NKAIN2: variants seen among roughly 807,000 people sequenced by gnomAD.
The protein encoded by NKAIN2 is sodium/potassium-transporting ATPase subunit beta-1-interacting protein 2.
Under a neutral mutation model 32.6 loss-of-function variants are expected in NKAIN2, and 14 were observed. The observed-to-expected ratio is 0.43, with a 90% CI of 0.28 to 0.67. NKAIN2 has a LOEUF of 0.67. Ranked by LOEUF, NKAIN2 falls within the 30% of genes least tolerant of loss-of-function variation. The pLI is 0.17. For synonymous variants in NKAIN2, 80 were observed against 87.2 expected (o/e 0.92, Z 0.46); for missense variants, 198 against 258.3 (o/e 0.77, Z 1.60).
intron 1 of NKAIN2, among the ~76,000 whole-genome samples, chr6:123,990,857 G>T (rs921032793): frequency 6.6e-6 from 1 of 152,110 alleles, no homozygotes; most frequent in Non-Finnish European, 1.5e-5. Flanking sequence ...GTCACCAAAG[G>T]TTGGGTCATA....
chr6:124,323,912 C>T (rs562918982), intron 2 of NKAIN2, among the ~76,000 whole-genome samples: 8 of 151,660 alleles, frequency 5.3e-5, no homozygotes, highest in Non-Finnish European at 7.4e-5. Flanking sequence ...CTCAGCCTCC[C>T]GAGGAGCTGG....
chr6:124,693,722 T>C (rs1459045007), intron 4 of NKAIN2, among the ~76,000 whole-genome samples: 1 of 152,138 alleles, frequency 6.6e-6, no homozygotes, highest in Non-Finnish European at 1.5e-5. Context: ...GTTTGGCATT[T>C]GTGTGGCTGG....
chr6:124,574,294 G>A (rs1781244583), intron 3 of NKAIN2, among the ~76,000 whole-genome samples: 2 of 136,720 alleles, frequency 1.5e-5, no homozygotes, highest in Admixed American at 1.7e-4. Flanking sequence ...TCCTGCTAAG[G>A]CAAACAAACA....
At chr6:123,862,296 A>T (rs1416508762) in intron 1 of NKAIN2, among the ~76,000 whole-genome samples, 4 of 152,048 alleles carry the variant, frequency 2.6e-5, no homozygotes, top group African/African-American at 9.7e-5. Flanking sequence ...TTCTCCAGTG[A>T]CCCTGCAGCC....
chr6:123,929,158 T>C (rs989418012), intron 1 of NKAIN2, among the ~76,000 whole-genome samples: 1 of 152,182 alleles, frequency 6.6e-6, no homozygotes, highest in Non-Finnish European at 1.5e-5. Context: ...ATTGATTTAT[T>C]AGTTGCATGT....
At chr6:123,935,245 A>G (rs1434389843) in intron 1 of NKAIN2, among the ~76,000 whole-genome samples, 2 of 150,434 alleles carry the variant, frequency 1.3e-5, no homozygotes, top group Non-Finnish European at 3.0e-5. Context: ...AACAAGTGGC[A>G]ATGTAGTGTG....
intron 4 of NKAIN2, among the ~76,000 whole-genome samples, chr6:124,706,427 C>T (rs1250531054): frequency 2.6e-5 from 4 of 151,888 alleles, no homozygotes; most frequent in African/African-American, 4.8e-5. Context: ...TTAAAATAAG[C>T]GACATTTCCT....
At chr6:124,775,383 C>A (rs181720097) in intron 4 of NKAIN2, among the ~76,000 whole-genome samples, 11 of 152,236 alleles carry the variant, frequency 7.2e-5, no homozygotes, top group Admixed American at 6.5e-4. Context: ...TGTTCGTATT[C>A]ATTGAATTAA....
At chr6:124,137,850 A>G (rs1786899197) in intron 1 of NKAIN2, among the ~76,000 whole-genome samples, 3 of 152,156 alleles carry the variant, frequency 2.0e-5, no homozygotes, top group South Asian at 4.1e-4. Context: ...TGCTCATCTT[A>G]TACAAAAATC....
At chr6:124,186,336 G>C (rs1789741354) in intron 1 of NKAIN2, among the ~76,000 whole-genome samples, 1 of 152,126 alleles carries the variant, frequency 6.6e-6, no homozygotes. Context: ...CTAGCTACCA[G>C]GGAGGCTGAG....
At chr6:124,387,307 T>TG (rs1197515641) in intron 3 of NKAIN2, among the ~76,000 whole-genome samples, 8 of 150,668 alleles carry the variant, frequency 5.3e-5, no homozygotes, top group South Asian at 4.2e-4. Context: ...TTTTTTTTTT[T>TG]TTTAATCACT....
At chr6:124,564,757 A>C (rs2114902868) in intron 3 of NKAIN2, among the ~76,000 whole-genome samples, 1 of 152,336 alleles carries the variant, frequency 6.6e-6, no homozygotes, top group South Asian at 2.1e-4. Context: ...CAAGTTGATT[A>C]AATTCCTATA....
chr6:124,194,211 G>A (rs1413045603), intron 1 of NKAIN2, among the ~76,000 whole-genome samples: 1 of 151,522 alleles, frequency 6.6e-6, no homozygotes, highest in Non-Finnish European at 1.5e-5. Flanking sequence ...TGAAGGTGGG[G>A]CTTCCACCCA....
chr6:123,948,346 C>G (rs561718857), intron 1 of NKAIN2, among the ~76,000 whole-genome samples: 8 of 152,126 alleles, frequency 5.3e-5, no homozygotes, highest in African/African-American at 1.9e-4. Flanking sequence ...AATTTCCATA[C>G]TCTTTTCCAT....
At chr6:124,476,878 A>C (rs1314081797) in intron 3 of NKAIN2, among the ~76,000 whole-genome samples, 2 of 152,086 alleles carry the variant, frequency 1.3e-5, no homozygotes, top group African/African-American at 4.8e-5. Flanking sequence ...CCTAGATATG[A>C]ATTTAGGCAA....
At chr6:124,466,430 A>G (rs574264130) in intron 3 of NKAIN2, among the ~76,000 whole-genome samples, 1 of 152,200 alleles carries the variant, frequency 6.6e-6, no homozygotes, top group African/African-American at 2.4e-5. Flanking sequence ...TATAAAGGTC[A>G]CCTGCCCTTG....
At chr6:123,938,519 A>G (rs1226534756) in intron 1 of NKAIN2, among the ~76,000 whole-genome samples, 3 of 134,046 alleles carry the variant, frequency 2.2e-5, no homozygotes, top group Non-Finnish European at 4.8e-5. Flanking sequence ...TATTATATAT[A>G]TTTATATATT....
At position 123,917,726 on chromosome 6, in the gene NKAIN2, CATA is replaced by C. The variant is rs1469729399; in HGVS notation, c.54+113477_54+113479del. On this transcript the variant is annotated intron_variant, in intron 1 of 6. Coordinates refer to ENST00000368417, the MANE Select transcript of NKAIN2 (RefSeq NM_001040214.3). ...CAGGAGAGGAGCTCACAGACGAATTCATAATAAGTATTAATAACTGATAAGGCT... is the reference window on the plus strand; with the variant it reads ...CAGGAGAGGAGCTCACAGACGAATTCATAAGTATTAATAACTGATAAGGCT... 2.0e-5 allele frequency among the ~76,000 whole-genome samples: 3 copies of C among 152,058 alleles called. No individual in the cohort carries two copies. The East Asian group carries it at 5.8e-4, about 29-fold the overall frequency.
At chr6:123,879,849 T>C (rs1484936072) in intron 1 of NKAIN2, among the ~76,000 whole-genome samples, 1 of 152,178 alleles carries the variant, frequency 6.6e-6, no homozygotes, top group East Asian at 1.9e-4. Context: ...AGACAACTTG[T>C]TAATATTGGC....
Sources: allele counts gnomAD v4.1 joint callset (sites outside exome capture counted in the v4.1 genomes callset), GRCh38; gene constraint gnomAD v4.1.1; transcripts MANE v1.5; gene names NCBI Gene and HGNC (gene_info 2026-07-23, HGNC 2026-07-21).